PLD5: variants seen among roughly 807,000 people sequenced by gnomAD.
The protein encoded by PLD5 is inactive phospholipase D5.
A neutral mutation model predicts 61.1 loss-of-function variants in PLD5; 36 were observed. That is an observed-to-expected ratio of 0.59 (90% CI 0.45 to 0.78). The LOEUF is 0.78. PLD5 is among the 30% of genes least tolerant of loss of function. The pLI is 0.00. For missense variants in PLD5, 515 were observed against 644.4 expected, an observed-to-expected ratio of 0.80 and a Z score of 2.17; for synonymous variants, 243 against 242.8, an observed-to-expected ratio of 1.00 and a Z score of -0.01.
At position 242,088,384 on chromosome 1, in the gene PLD5, G is replaced by A. The variant is rs1659570807; in HGVS notation, c.*1470C>T. ...TTTGTGGATTCTGGGGGAGGACCTG[G>A]TGTTGATTCCATCAAGATATGACAA... On this transcript the variant is annotated 3_prime_UTR_variant, in exon 10 of 10. Coordinates refer to ENST00000536534, the MANE Select transcript of PLD5 (RefSeq NM_001372062.1). The A allele has an allele frequency of 6.6e-6, 1 of 152,184 alleles. No individual in the cohort carries two copies. Among genetic ancestry groups the A allele is most frequent in the South Asian group, 2.1e-4 (1 of 4,832 alleles). The allele number at this position is 152,184 out of a possible 1,614,324, so 9.4% of individuals were successfully genotyped here.
intron 2 of PLD5, among the ~76,000 whole-genome samples, chr1:242,323,014 T>C (rs896999515): frequency 5.3e-5 from 8 of 152,168 alleles, no homozygotes; most frequent in African/African-American, 1.9e-4. Context: ...CACTAGACAA[T>C]GTCTAACCAT....
chr1:242,265,338 C>T lies in PLD5; in HGVS notation c.606G>A (p.Lys202=), dbSNP rs202210572. The change falls in exon 4 of 10, where the codon AAG becomes AAA. Residue 202 remains lysine (K), a splice_region_variant and synonymous_variant. Coordinates refer to ENST00000536534, the MANE Select transcript of PLD5 (RefSeq NM_001372062.1). ...ATAGCATATCAACCTTGGTCTTACC[C>T]TTTAATTTCAAGGCTTCTAATACCT... The part of the protein sequence containing the change: ...DSKVLEALKL[K]GAEVTYMNMT... 1.9e-5 allele frequency: 31 copies of T among 1,608,758 alleles called. No individual in the cohort carries two copies. Among genetic ancestry groups the T allele is most frequent in the Non-Finnish European group, 1.1e-5 (13 of 1,178,940 alleles).
chr1:242,128,465 G>A (rs978596292), intron 5 of PLD5, among the ~76,000 whole-genome samples: 4 of 152,182 alleles, frequency 2.6e-5, no homozygotes, highest in African/African-American at 9.7e-5. Flanking sequence ...AGCTGCCCCT[G>A]CCACACTCCC....
At chr1:242,306,775 ACACACACACACACACACCC>A (rs1217012439) in intron 2 of PLD5, among the ~76,000 whole-genome samples, 1 of 111,752 alleles carries the variant, frequency 8.9e-6, no homozygotes, top group Admixed American at 1.0e-4. Flanking sequence ...ACACACACAC[ACACACACACACACACACCC>A]CACTTACGCA....
At chr1:242,144,283 C>A (rs1176732702) in intron 5 of PLD5, among the ~76,000 whole-genome samples, 2 of 151,352 alleles carry the variant, frequency 1.3e-5, no homozygotes, top group Non-Finnish European at 2.9e-5. Context: ...TTAAACAAAC[C>A]AAAATTTCTG....
intron 4 of PLD5, among the ~76,000 whole-genome samples, chr1:242,262,090 G>C (rs772237740): frequency 1.3e-5 from 2 of 152,206 alleles, no homozygotes; most frequent in Non-Finnish European, 2.9e-5. Context: ...TCTATCAGTA[G>C]AACAGATCCA....
rs150586548 is a variant in PLD5 at position 242,430,021 on chromosome 1, G to T, written c.190-81779C>A. On this transcript the variant is annotated intron_variant, in intron 1 of 9. Coordinates refer to ENST00000536534, the MANE Select transcript of PLD5 (RefSeq NM_001372062.1). ...CATTAGCCATGCATCAGGCCAAGCTGCATAGACATTTTTTAGTGGCCTCTT... is the reference window on the plus strand; with the variant it reads ...CATTAGCCATGCATCAGGCCAAGCTTCATAGACATTTTTTAGTGGCCTCTT... Among the ~76,000 whole-genome samples the T allele has an allele frequency of 1.5e-3, 228 of 152,274 alleles. 2 individuals are homozygous for T. The highest frequency in any genetic ancestry group is 5.3e-3 in the African/African-American group (221 of 41,566).
intron 5 of PLD5, among the ~76,000 whole-genome samples, chr1:242,156,952 C>A (rs552857727): frequency 2.8e-4 from 43 of 152,224 alleles, no homozygotes; most frequent in African/African-American, 1.0e-3. Context: ...GAGTGTTTTC[C>A]AACTTGGTTC....
At chr1:242,416,439 G>A (rs1664838516) in intron 1 of PLD5, among the ~76,000 whole-genome samples, 1 of 152,124 alleles carries the variant, frequency 6.6e-6, no homozygotes, top group African/African-American at 2.4e-5. Flanking sequence ...GATTCAGTAT[G>A]TTACATGACA....
intron 1 of PLD5, chr1:242,377,191 T>C (rs1204467942): frequency 6.2e-7 from 1 of 1,611,616 alleles, no homozygotes; most frequent in East Asian, 2.2e-5. Context: ...ACGTGAGACG[T>C]GTAGCAGAGG....
chr1:242,110,510 T>C (rs1661398387), intron 7 of PLD5, among the ~76,000 whole-genome samples: 1 of 152,014 alleles, frequency 6.6e-6, no homozygotes, highest in South Asian at 2.1e-4. Flanking sequence ...CAGTGCTCAA[T>C]AAATATTTGT....
chr1:242,190,758 T>A (rs937710770), intron 5 of PLD5, among the ~76,000 whole-genome samples: 54 of 151,582 alleles, frequency 3.6e-4, no homozygotes, highest in African/African-American at 1.3e-3. Context: ...AATAGAAAAA[T>A]CCCATACAAG....
At chr1:242,450,944 A>G (rs571899751) in intron 1 of PLD5, among the ~76,000 whole-genome samples, 68 of 152,284 alleles carry the variant, frequency 4.5e-4, no homozygotes, top group African/African-American at 1.6e-3. Flanking sequence ...GGAGTGTTTA[A>G]CACCTGTCCC....
intron 1 of PLD5, among the ~76,000 whole-genome samples, chr1:242,423,953 C>G (rs1665282501): frequency 6.6e-6 from 1 of 152,064 alleles, no homozygotes; most frequent in Admixed American, 6.6e-5. Flanking sequence ...TATAGTTTAC[C>G]TATTCCTTCC....
chr1:242,461,296 C>A (rs570612541), intron 1 of PLD5, among the ~76,000 whole-genome samples: 2 of 152,266 alleles, frequency 1.3e-5, no homozygotes, highest in East Asian at 3.9e-4. Flanking sequence ...TTGATCTCAA[C>A]CTGGCATAGT....
At chr1:242,473,020 A>C (rs1235295789) in intron 1 of PLD5, among the ~76,000 whole-genome samples, 1 of 152,224 alleles carries the variant, frequency 6.6e-6, no homozygotes, top group African/African-American at 2.4e-5. Flanking sequence ...ACACATAAAA[A>C]CAGAAAAGAG....
chr1:242,311,963 A>T (rs1676722321), intron 2 of PLD5, among the ~76,000 whole-genome samples: 1 of 151,630 alleles, frequency 6.6e-6, no homozygotes, highest in South Asian at 2.1e-4. Flanking sequence ...TCAAATTCAC[A>T]GATTCTTTCT....
chr1:242,268,125 T>C (rs1558414316), intron 3 of PLD5, among the ~76,000 whole-genome samples: 1 of 152,126 alleles, frequency 6.6e-6, no homozygotes, highest in South Asian at 2.1e-4. Flanking sequence ...ACAGACAGAA[T>C]TGACACCAAT....
intron 7 of PLD5, among the ~76,000 whole-genome samples, chr1:242,113,359 C>T (rs1661694344): frequency 2.0e-5 from 3 of 152,154 alleles, no homozygotes; most frequent in Non-Finnish European, 4.4e-5. Flanking sequence ...TCCCAAAGTG[C>T]TGGGATTACA....
Sources: allele counts gnomAD v4.1 joint callset (sites outside exome capture counted in the v4.1 genomes callset), GRCh38; gene constraint gnomAD v4.1.1; transcripts MANE v1.5; gene names NCBI Gene and HGNC (gene_info 2026-07-23, HGNC 2026-07-21).